Variants in EXOC6 observed in about 807,000 individuals in gnomAD.
The protein encoded by EXOC6 is exocyst complex component 6.
A neutral mutation model predicts 112.5 loss-of-function variants in EXOC6; 60 were observed. The ratio of observed to expected loss-of-function variants is 0.53; its 90% CI spans 0.43 to 0.66. The LOEUF is 0.66. Ranked by LOEUF, EXOC6 falls within the 30% of genes least tolerant of loss-of-function variation. The pLI is 0.00. For synonymous variants in EXOC6, 295 were observed against 308.0 expected, an observed-to-expected ratio of 0.96 and a Z score of 0.44; for missense variants, 855 against 957.1, an observed-to-expected ratio of 0.89 and a Z score of 1.41.
At chr10:92,944,022 T>C (rs779860072) in intron 13 of EXOC6, among the ~76,000 whole-genome samples, 1 of 152,218 alleles carries the variant, frequency 6.6e-6, no homozygotes, top group Non-Finnish European at 1.5e-5. Flanking sequence ...TGTGCCTAGC[T>C]TATGTCACTT....
intron 1 of EXOC6, among the ~76,000 whole-genome samples, chr10:92,873,029 A>AT (rs1848523085): frequency 6.6e-6 from 1 of 152,148 alleles, no homozygotes; most frequent in Non-Finnish European, 1.5e-5. Flanking sequence ...TGCATTCATT[A>AT]ATCTACTTGT....
At chr10:92,831,872 A>G (rs1179160483), upstream of EXOC6, among the ~76,000 whole-genome samples, 3 of 152,238 alleles carry the variant, frequency 2.0e-5, no homozygotes, top group Non-Finnish European at 4.4e-5. Context: ...GATGAAGGGT[A>G]TATTTTTGTT....
At chr10:92,845,808 C>G (rs1257943906), upstream of EXOC6, among the ~76,000 whole-genome samples, 1 of 149,776 alleles carries the variant, frequency 6.7e-6, no homozygotes, top group Non-Finnish European at 1.5e-5. Context: ...CGTGGTGGCA[C>G]GTGCCTGTAA....
In EXOC6 at chr10:92,848,676, C is replaced by A. The variant is rs1351249318; in HGVS notation, c.101+42C>A. 4 of 1,294,396 alleles carry A rather than the reference C, an allele frequency of 3.1e-6. No individual in the cohort carries two copies. In the South Asian group the frequency reaches 4.9e-5, roughly 16 times the overall value. The allele number at this position is 1,294,396 out of a possible 1,614,324, so 80.2% of individuals were successfully genotyped here. A position where few individuals can be genotyped will look rare whatever the true frequency, so the allele number is the denominator to read the frequency against. On this transcript the variant is annotated intron_variant, in intron 1 of 21. Coordinates refer to ENST00000260762, the MANE Select transcript of EXOC6 (RefSeq NM_019053.6). Reference sequence around the variant, plus strand: ...ACCGGGACTTCGGCCCCCCGCCCCACGCCGGCCGCTCCTCACGAGCCGGGC... The same window carrying A: ...ACCGGGACTTCGGCCCCCCGCCCCAAGCCGGCCGCTCCTCACGAGCCGGGC...
chr10:92,943,534 A>G (rs939352047), intron 13 of EXOC6, among the ~76,000 whole-genome samples: 2 of 152,114 alleles, frequency 1.3e-5, no homozygotes, highest in Admixed American at 6.5e-5. Context: ...CTCTCTCACT[A>G]TATTATGAGC....
At chr10:92,834,201 A>G (rs1846587688), upstream of EXOC6, among the ~76,000 whole-genome samples, 1 of 152,002 alleles carries the variant, frequency 6.6e-6, no homozygotes, top group Admixed American at 6.5e-5. Flanking sequence ...CCTCAAAATC[A>G]CATCCCATAG....
chr10:92,990,056 T>TA (rs1843167220), intron 18 of EXOC6, among the ~76,000 whole-genome samples: 2 of 152,158 alleles, frequency 1.3e-5, no homozygotes, highest in Non-Finnish European at 2.9e-5. Flanking sequence ...TGGAAAGAGT[T>TA]AAAAAAACTT....
At chr10:93,029,883 A>G (rs993001827) in intron 20 of EXOC6, among the ~76,000 whole-genome samples, 1 of 152,006 alleles carries the variant, frequency 6.6e-6, no homozygotes, top group African/African-American at 2.4e-5. Context: ...ATTGAAAATA[A>G]ATGGATCTCA....
At chr10:92,904,168 A>G (rs1850322208) in intron 5 of EXOC6, among the ~76,000 whole-genome samples, 1 of 152,192 alleles carries the variant, frequency 6.6e-6, no homozygotes, top group East Asian at 1.9e-4. Context: ...GAATAATACT[A>G]CACTGTATGG....
chr10:92,921,277 T>C (rs1475802512), intron 8 of EXOC6, among the ~76,000 whole-genome samples: 1 of 141,588 alleles, frequency 7.1e-6, no homozygotes, highest in Non-Finnish European at 1.5e-5. Context: ...GGAGTTTTGC[T>C]CTTGTTGCCC....
At chr10:92,848,070 C>G (rs953209360), upstream of EXOC6, among the ~76,000 whole-genome samples, 1 of 152,030 alleles carries the variant, frequency 6.6e-6, no homozygotes, top group Non-Finnish European at 1.5e-5. Flanking sequence ...TGCATGTTTT[C>G]CTTTCTCTGA....
intron 6 of EXOC6, among the ~76,000 whole-genome samples, chr10:92,913,025 C>T (rs1178858926): frequency 1.3e-5 from 2 of 152,160 alleles, no homozygotes; most frequent in African/African-American, 2.4e-5. Context: ...AAGCACATCA[C>T]GTGCTTTTGG....
At chr10:92,995,731 G>A (rs1160870808) in intron 18 of EXOC6, among the ~76,000 whole-genome samples, 1 of 152,018 alleles carries the variant, frequency 6.6e-6, no homozygotes, top group Non-Finnish European at 1.5e-5. Context: ...ATCATGCTGG[G>A]TTTTGCATTG....
rs140100862 is a variant in EXOC6 at position 92,980,311 on chromosome 10, C to G, written c.1953+6079C>G. Among the ~76,000 whole-genome samples, 321 of 152,252 alleles carry G rather than the reference C, an allele frequency of 2.1e-3. 2 individuals are homozygous for G. The highest frequency in any genetic ancestry group is 7.4e-3 in the African/African-American group (309 of 41,542). On this transcript the variant is annotated intron_variant, in intron 18 of 21. Transcript: ENST00000260762. ...TTCCCTTCTGCAAAATGAGCATAATCCATTTTTCCCATAGGACTGTCATAA... is the reference window on the plus strand; with the variant it reads ...TTCCCTTCTGCAAAATGAGCATAATGCATTTTTCCCATAGGACTGTCATAA...
At chr10:92,951,979 A>G (rs1853444781) in intron 14 of EXOC6, among the ~76,000 whole-genome samples, 1 of 152,226 alleles carries the variant, frequency 6.6e-6, no homozygotes, top group Non-Finnish European at 1.5e-5. Context: ...CATTGCCTAC[A>G]GACAGAATAC....
At chr10:92,938,195 A>G (rs538176897) in intron 12 of EXOC6, among the ~76,000 whole-genome samples, 3 of 152,288 alleles carry the variant, frequency 2.0e-5, no homozygotes, top group Admixed American at 2.0e-4. Flanking sequence ...TATTTAGGTA[A>G]TATTGGCACT....
At chr10:92,828,319 A>G (rs1361229562) in intron 1 of EXOC6, among the ~76,000 whole-genome samples, 1 of 152,174 alleles carries the variant, frequency 6.6e-6, no homozygotes, top group African/African-American at 2.4e-5. Context: ...TTAGTCAGCA[A>G]ACAAGATATT....
intron 17 of EXOC6, among the ~76,000 whole-genome samples, chr10:92,962,556 T>C (rs980957876): frequency 6.6e-6 from 1 of 151,778 alleles, no homozygotes; most frequent in African/African-American, 2.4e-5. Flanking sequence ...CCCTGGCTGA[T>C]TTAAAAAAAA....
chr10:92,998,453 T>G (rs1843593219), intron 19 of EXOC6, among the ~76,000 whole-genome samples: 2 of 152,148 alleles, frequency 1.3e-5, no homozygotes, highest in South Asian at 4.1e-4. Flanking sequence ...TGAAAGACAT[T>G]AAAAAATTAA....
Sources: gnomAD v4.1 joint callset for allele counts (sites outside exome capture counted in the v4.1 genomes callset) on GRCh38, gnomAD v4.1.1 for gene constraint, MANE v1.5 for transcripts, NCBI Gene and HGNC (gene_info 2026-07-23, HGNC 2026-07-21) for gene names.